CORO1B: variants seen among roughly 807,000 people sequenced by gnomAD.
CORO1B encodes coronin 1B.
Under a neutral mutation model 51.1 loss-of-function variants are expected in CORO1B, and 30 were observed. The observed-to-expected ratio is 0.59, with a 90% confidence interval of 0.44 to 0.80. CORO1B has a LOEUF of 0.80. CORO1B is among the 30% of genes least tolerant of loss of function. CORO1B has a pLI of 0.00. For synonymous variants in CORO1B, 310 were observed against 289.7 expected, an observed-to-expected ratio of 1.07 and a Z score of -0.71; for missense variants, 648 against 700.4, an observed-to-expected ratio of 0.93 and a Z score of 0.84.
At position 67,439,767 on chromosome 11, in the gene CORO1B, G is replaced by T; in HGVS notation, c.1065+19C>A. The T allele has an allele frequency of 3.8e-6, 6 of 1,577,870 alleles. No homozygotes were observed. The highest frequency in any genetic ancestry group is 5.2e-6 in the Non-Finnish European group (6 of 1,161,850). ...TGCTGGAGAAAGGGCCAAGTGAGCCGAGGGACGGGCGGCCTCACCTTTCTT... is the reference window on the plus strand; with the variant it reads ...TGCTGGAGAAAGGGCCAAGTGAGCCTAGGGACGGGCGGCCTCACCTTTCTT... On this transcript the variant is annotated intron_variant, in intron 9 of 10. Transcript: ENST00000341356.
intron 6 of CORO1B, 85 bp downstream of exon 6, chr11:67,441,040 A>G (rs1864382976): frequency 6.3e-7 from 1 of 1,596,642 alleles, no homozygotes. Context: ...GCTAGGAACC[A>G]CAGGCCTCCC....
At position 67,438,919 on chromosome 11, in the gene CORO1B, C is replaced by T. The variant is rs1001235173; in HGVS notation, c.1096G>A (p.Asp366Asn). The change falls in exon 10 of 11, where the codon GAC becomes AAC. Residue 366 changes from aspartate (D) to asparagine (N), a missense_variant. By Grantham distance (23) the Asp-to-Asn change is conservative. Transcript: ENST00000341356. ...AGGGCTGCCTCGGGCCCGGCTGTGTCGGGGTACAGATCATCCTGGAAGAGG... is the reference window on the plus strand; with the variant it reads ...AGGGCTGCCTCGGGCCCGGCTGTGTTGGGGTACAGATCATCCTGGAAGAGG... Reference protein sequence around the residue: ...SDLFQDDLYPDTAGPEAALEA... With the variant: ...SDLFQDDLYPNTAGPEAALEA... 7 of 1,609,058 alleles carry T rather than the reference C, an allele frequency of 4.4e-6. No homozygotes were observed. The highest frequency in any genetic ancestry group is 3.3e-4 in the Middle Eastern group (2 of 6,052).
Position 67,441,756 on chromosome 11 carries a change from G to A in CORO1B, c.431C>T (p.Ala144Val), listed in dbSNP as rs780207951. Residue 144 changes from alanine (A) to valine (V), a missense_variant, in exon 4 of 11, where the codon GCC becomes GTC. Physicochemically the swap from Ala to Val is moderately conservative, Grantham distance 64. Coordinates refer to ENST00000341356, the MANE Select transcript of CORO1B (RefSeq NM_020441.3). ...RVGIIAWHPT[A>V]RNVLLSAGCD... ...ACCTGCACTGAGCAGCACGTTTCGG[G>A]CCGTGGGGTGCCAGGCGATGATGCC... 4.5e-5 allele frequency: 72 copies of A among 1,611,734 alleles called. No individual in the cohort carries two copies. The highest frequency in any genetic ancestry group is 6.1e-5 in the Non-Finnish European group (72 of 1,179,532).
chr11:67,442,310 G>T lies in CORO1B; in HGVS notation c.201+118C>A, dbSNP rs183565450. 3.7e-5 allele frequency: 48 copies of T among 1,283,702 alleles called. No individual in the cohort carries two copies. In the African/African-American group the frequency reaches 4.6e-4, roughly 12 times the overall value. The allele number at this position is 1,283,702 out of a possible 1,614,324, so 79.5% of individuals were successfully genotyped here. ...CTAACACTTGGGGCGATAAATCTGG[G>T]TTATAACACCTGCCCAGCAGTGTGA... On this transcript the variant is annotated intron_variant, in intron 2 of 10. Transcript: ENST00000341356.
At position 67,441,709 on chromosome 11, in the gene CORO1B, C is replaced by G. The variant is rs771741015; in HGVS notation, c.454+24G>C. ...TGGAGGGGTCCGTGGGGGGGGGGAG[C>G]ACAAAACGGGGGGCGGTGCAGACCT... On this transcript the variant is annotated intron_variant, in intron 4 of 10. Coordinates refer to ENST00000341356, the MANE Select transcript of CORO1B (RefSeq NM_020441.3). The G allele has an allele frequency of 3.8e-6, 6 of 1,562,854 alleles. No individual in the cohort carries two copies. In the African/African-American group the frequency reaches 8.7e-5, roughly 23 times the overall value.
chr11:67,436,411 C>G lies in CORO1B; in HGVS notation c.*1965G>C, dbSNP rs1830361166. On this transcript the variant is annotated 3_prime_UTR_variant, in exon 11 of 11. Coordinates refer to ENST00000341356, the MANE Select transcript of CORO1B (RefSeq NM_020441.3). ...ACCTGGGGTGGGGCCTGGTGTGGGG[C>G]AGGCTGGGTGACCAAGACCACTTTC... is the stretch of plus-strand genomic sequence containing the variant. 7.0e-7 allele frequency: 1 copy of G among 1,419,370 alleles called. No homozygotes were observed. 87.9% of individuals were successfully genotyped at this position (1,419,370 alleles called of 1,614,324 possible).
chr11:67,443,413 CG>C lies in CORO1B; in HGVS notation c.-13del. 1 of 974,776 alleles carries C rather than the reference CG, an allele frequency of 1.0e-6. No homozygotes were observed. The highest frequency in any genetic ancestry group is 1.2e-6 in the Non-Finnish European group (1 of 819,762). The allele number at this position is 974,776 out of a possible 1,614,324, so 60.4% of individuals were successfully genotyped here. ...GCCCTGCCGCGCTCACCGGGGGCACCGGGGGCGCAGGGGGCTGCGGCACCGG... is the reference window on the plus strand; with the variant it reads ...GCCCTGCCGCGCTCACCGGGGGCACCGGGGCGCAGGGGGCTGCGGCACCGG... On this transcript the variant is annotated 5_prime_UTR_variant, in exon 1 of 11. Transcript: ENST00000341356.
chr11:67,440,988 C>CAA, intron 6 of CORO1B, 137 bp downstream of exon 6: 1 of 1,318,628 alleles, frequency 7.6e-7, no homozygotes, highest in Non-Finnish European at 1.1e-6. Flanking sequence ...GAAAGTCTGA[C>CAA]AGAGTCCTAG....
Position 67,436,519 on chromosome 11 carries a change from T to C in CORO1B, c.*1857A>G. The C allele has an allele frequency of 1.3e-6, 1 of 749,524 alleles. No homozygotes were observed. The highest frequency in any genetic ancestry group is 2.5e-5 in the South Asian group (1 of 40,576). 46.4% of individuals were successfully genotyped at this position (749,524 alleles called of 1,614,324 possible). ...TTTGGTCAACCAGGCTCTGGCCCTG[T>C]GAGATCAGCCCCCATCCCTCCAGCC... On this transcript the variant is annotated 3_prime_UTR_variant, in exon 11 of 11. Transcript: ENST00000341356.
rs771188562 is a variant in CORO1B at position 67,438,140 on chromosome 11, G to A, written c.*236C>T. 5 of 463,684 alleles carry A rather than the reference G, an allele frequency of 1.1e-5. No homozygotes were observed. Among genetic ancestry groups the A allele is most frequent in the South Asian group, 1.0e-4 (2 of 19,218 alleles). The allele number at this position is 463,684 out of a possible 1,614,324, so 28.7% of individuals were successfully genotyped here. On this transcript the variant is annotated 3_prime_UTR_variant, in exon 11 of 11. Transcript: ENST00000341356. ...GGGAGCAGAGGGCTGGGCAGTGGTC[G>A]GGGAGATGGTCCCTCAGAGGTCGAG...
In CORO1B at chr11:67,437,587, C is replaced by A; in HGVS notation, c.*789G>T. 1 of 1,347,170 alleles carries A rather than the reference C, an allele frequency of 7.4e-7. No individual in the cohort carries two copies. Among genetic ancestry groups the A allele is most frequent in the Non-Finnish European group, 9.6e-7 (1 of 1,040,276 alleles). 83.5% of individuals were successfully genotyped at this position (1,347,170 alleles called of 1,614,324 possible). On this transcript the variant is annotated 3_prime_UTR_variant, in exon 11 of 11. Coordinates refer to ENST00000341356, the MANE Select transcript of CORO1B (RefSeq NM_020441.3). Reference sequence around the variant, plus strand: ...AGCCCCGACCGCCTGTGGCCCCCATCCCAAGAACCCGGGGGGCTCCGAGGC... The same window carrying A: ...AGCCCCGACCGCCTGTGGCCCCCATACCAAGAACCCGGGGGGCTCCGAGGC...
At chr11:67,440,594 C>A in intron 6 of CORO1B, 155 bp from the exon 7 acceptor site, 1 of 743,736 alleles carries the variant, frequency 1.3e-6, no homozygotes, top group Non-Finnish European at 2.4e-6. Context: ...CACATGACGA[C>A]CCCCACCTGG....
rs1158130757 is a variant in CORO1B at position 67,438,278 on chromosome 11, G to A, written c.*98C>T. On this transcript the variant is annotated 3_prime_UTR_variant, in exon 11 of 11. Transcript: ENST00000341356. ...GGGAACTGACCCCTGCGCTGCCTCA[G>A]AGGCTCTGGGCAGCCAGCTAGCCCG... 5 of 1,491,860 alleles carry A rather than the reference G, an allele frequency of 3.4e-6. No homozygotes were observed. In the African/African-American group the frequency reaches 6.9e-5, roughly 21 times the overall value. 92.4% of individuals were successfully genotyped at this position (1,491,860 alleles called of 1,614,324 possible). A position where few individuals can be genotyped will look rare whatever the true frequency, so the allele number is the denominator to read the frequency against.
upstream of CORO1B, chr11:67,443,583 C>T (rs1231116545): frequency 1.3e-5 from 9 of 702,182 alleles, no homozygotes; most frequent in African/African-American, 5.8e-5. Flanking sequence ...GGAGGCTGAG[C>T]GGCGCCGGGG....
chr11:67,440,878 G>C (rs1284636528), intron 6 of CORO1B: 1 of 655,626 alleles, frequency 1.5e-6, no homozygotes, highest in Non-Finnish European at 2.7e-6. Context: ...AGGGAGAGAA[G>C]GGCCCTTCCG....
In CORO1B at chr11:67,436,003, G is replaced by A. The variant is rs1254482945; in HGVS notation, c.*2373C>T. On this transcript the variant is annotated 3_prime_UTR_variant, in exon 11 of 11. Coordinates refer to ENST00000341356, the MANE Select transcript of CORO1B (RefSeq NM_020441.3). ...CAGCCTGCAGGCCACCATCCGCGAC[G>A]TGGTCATAGTCTGTGTCCTGCTCAT... 5.0e-6 allele frequency: 8 copies of A among 1,613,640 alleles called. No individual in the cohort carries two copies. The highest frequency in any genetic ancestry group is 1.6e-4 in the Middle Eastern group (1 of 6,084).
At position 67,442,051 on chromosome 11, in the gene CORO1B, CCA is replaced by C; in HGVS notation, c.237_238del (p.Cys79TrpfsTer98). 2 of 1,613,086 alleles carry C rather than the reference CCA, an allele frequency of 1.2e-6. No homozygotes were observed. Among genetic ancestry groups the C allele is most frequent in the Non-Finnish European group, 1.7e-6 (2 of 1,179,990 alleles). On this transcript the variant is annotated frameshift_variant, in exon 3 of 11. Coordinates refer to ENST00000341356, the MANE Select transcript of CORO1B (RefSeq NM_020441.3). LOFTEE classifies it high-confidence loss of function. ...GATGTCCAGGACAGGTCCCGTGTGC[CCA>C]CACACCGTCGGGTAGGCCTTGTCAA... is the stretch of plus-strand genomic sequence containing the variant.
rs1014946832 is a variant in CORO1B, at chr11:67,435,574, C to T, written c.*2802G>A. 7.9e-6 allele frequency: 9 copies of T among 1,143,772 alleles called. No homozygotes were observed. The highest frequency in any genetic ancestry group is 3.1e-5 in the African/African-American group (2 of 64,238). The allele number at this position is 1,143,772 out of a possible 1,614,324, so 70.9% of individuals were successfully genotyped here. ...GCCTGTGGTTGGGGGGGGCCGTTCC[C>T]GTGGTGAGCGGGGTACACATGGACT... On this transcript the variant is annotated 3_prime_UTR_variant, in exon 11 of 11. Coordinates refer to ENST00000341356, the MANE Select transcript of CORO1B (RefSeq NM_020441.3).
chr11:67,436,599 C>T lies in CORO1B; in HGVS notation c.*1777G>A. On this transcript the variant is annotated 3_prime_UTR_variant, in exon 11 of 11. Transcript: ENST00000341356. ...CTGCATTAAGCCACCTGCCTGGGGC[C>T]TTCGCACTGGCTGTTCCCTCTGCCC... 2.4e-6 allele frequency: 1 copy of T among 420,078 alleles called. No individual in the cohort carries two copies. The highest frequency in any genetic ancestry group is 4.2e-6 in the Non-Finnish European group (1 of 239,032). 26.0% of individuals were successfully genotyped at this position (420,078 alleles called of 1,614,324 possible).
Sources: allele counts gnomAD v4.1 joint callset, GRCh38; gene constraint gnomAD v4.1.1; transcripts MANE v1.5; gene names NCBI Gene and HGNC (gene_info 2026-07-23, HGNC 2026-07-21).